Variants in PDE4D observed in about 807,000 individuals in gnomAD.
The protein encoded by PDE4D is phosphodiesterase 4D.
In PDE4D, 24 loss-of-function variants were observed where a neutral mutation model predicts 87.4. That is an observed-to-expected ratio of 0.27 (90% confidence interval 0.20 to 0.39). The LOEUF is 0.39. Ranked by LOEUF, PDE4D falls within the 10% of genes least tolerant of loss-of-function variation. The pLI is 1.00. For synonymous variants in PDE4D, 384 were observed against 383.2 expected (o/e 1.00, Z -0.02); for missense variants, 714 against 1,041.0 (o/e 0.69, Z 4.32).
chr5:60,061,156 C>A (rs191213429), intron 2 of PDE4D, among the ~76,000 whole-genome samples: 3 of 152,188 alleles, frequency 2.0e-5, no homozygotes, highest in Admixed American at 2.0e-4. Context: ...TGTTTGCAGA[C>A]AACTTGATCC....
chr5:59,893,024 C>T, intron 1 of PDE4D, 144 bp downstream of exon 1: 2 of 790,292 alleles, frequency 2.5e-6, no homozygotes, highest in Non-Finnish European at 4.0e-6. Context: ...GATAGGCACA[C>T]CCCTGTTTGT....
chr5:59,758,584 A>T (rs1761577777), intron 1 of PDE4D, among the ~76,000 whole-genome samples: 1 of 152,202 alleles, frequency 6.6e-6, no homozygotes, highest in Non-Finnish European at 1.5e-5. Flanking sequence ...ATTGAAGTCT[A>T]GTAAAAGAGA....
intron 5 of PDE4D, among the ~76,000 whole-genome samples, chr5:59,152,095 G>C (rs1484232470): frequency 1.3e-5 from 2 of 152,170 alleles, no homozygotes; most frequent in African/African-American, 4.8e-5. Flanking sequence ...TTGAAGCCTG[G>C]CTCCACAGCT....
At chr5:60,413,277 T>A (rs1742191177) in intron 1 of PDE4D, among the ~76,000 whole-genome samples, 1 of 152,222 alleles carries the variant, frequency 6.6e-6, no homozygotes, top group Admixed American at 6.5e-5. Context: ...CATTACCTCA[T>A]CAAACCTATA....
intron 1 of PDE4D, among the ~76,000 whole-genome samples, chr5:59,737,096 T>A (rs1027777972): frequency 2.6e-5 from 4 of 151,790 alleles, no homozygotes; most frequent in African/African-American, 9.7e-5. Flanking sequence ...TGTTATACTC[T>A]TTGAAATTCT....
intron 5 of PDE4D, among the ~76,000 whole-genome samples, chr5:59,044,880 C>T (rs1338540385): frequency 6.6e-6 from 1 of 152,158 alleles, no homozygotes; most frequent in East Asian, 1.9e-4. Flanking sequence ...CCGAATGTTG[C>T]CTATGCCTCT....
rs1175561902 is a variant in PDE4D, at chr5:59,215,828, T to A, written c.596A>T (p.Tyr199Phe). 1 of 1,613,692 alleles carries A rather than the reference T, an allele frequency of 6.2e-7. No homozygotes were observed. The highest frequency in any genetic ancestry group is 1.7e-5 in the Admixed American group (1 of 59,988). The change falls in exon 2 of 15, where the codon TAT (tyrosine) becomes TTT (phenylalanine). Residue 199 changes from tyrosine to phenylalanine, a missense_variant. Coordinates refer to ENST00000340635, the MANE Select transcript of PDE4D (RefSeq NM_001104631.2). The stretch of plus-strand genomic sequence containing the variant: ...GGACATAGACTTTGGAGAGAGGTCA[T>A]AATCGCTGTCGGATCGATACAGGAA... ...ESFLYRSDSD[Y>F]DLSPKSMSRN...
intron 1 of PDE4D, among the ~76,000 whole-genome samples, chr5:59,885,012 A>G (rs967084076): frequency 6.6e-6 from 1 of 151,564 alleles, no homozygotes; most frequent in African/African-American, 2.4e-5. Flanking sequence ...GCTCTTTATT[A>G]TAGTATGAAT....
intron 1 of PDE4D, among the ~76,000 whole-genome samples, chr5:59,559,393 T>C (rs928802867): frequency 5.3e-5 from 8 of 152,206 alleles, no homozygotes; most frequent in Non-Finnish European, 1.0e-4. Flanking sequence ...TATGTGGGAT[T>C]CATTACAATG....
intron 1 of PDE4D, among the ~76,000 whole-genome samples, chr5:59,790,220 A>T (rs1397829408): frequency 6.6e-6 from 1 of 152,244 alleles, no homozygotes; most frequent in Non-Finnish European, 1.5e-5. Flanking sequence ...AAACAACTGA[A>T]CACAGCAAAA....
rs185169692 is a variant in PDE4D, at chr5:59,304,250, C to T, written c.456-88282G>A. Among the ~76,000 whole-genome samples, 62 of 152,080 alleles carry T rather than the reference C, an allele frequency of 4.1e-4. 2 individuals are homozygous for T. Among genetic ancestry groups the T allele is most frequent in the African/African-American group, 1.3e-3 (56 of 41,516 alleles). On this transcript the variant is annotated intron_variant, in intron 1 of 14. Transcript: ENST00000340635. ...TGATTTGTGTACATTAATCTTGTATCCAGAAACTTTCTTGAATTCATTTAT... is the reference window on the plus strand; with the variant it reads ...TGATTTGTGTACATTAATCTTGTATTCAGAAACTTTCTTGAATTCATTTAT...
intron 1 of PDE4D, among the ~76,000 whole-genome samples, chr5:59,352,882 C>T (rs1341828736): frequency 6.6e-6 from 1 of 152,104 alleles, no homozygotes; most frequent in Non-Finnish European, 1.5e-5. Context: ...AATTAATCAC[C>T]TGTTTGGCAG....
At chr5:59,884,355 A>G (rs1489227950) in intron 1 of PDE4D, among the ~76,000 whole-genome samples, 1 of 151,992 alleles carries the variant, frequency 6.6e-6, no homozygotes, top group Non-Finnish European at 1.5e-5. Context: ...ACACATGTAC[A>G]TAGACATAAT....
At chr5:59,242,854 T>A (rs1397379555) in intron 1 of PDE4D, among the ~76,000 whole-genome samples, 1 of 152,152 alleles carries the variant, frequency 6.6e-6, no homozygotes, top group Non-Finnish European at 1.5e-5. Flanking sequence ...TGTCAGAGCA[T>A]CAACATAAGA....
chr5:59,242,065 A>G (rs558581781), intron 1 of PDE4D, among the ~76,000 whole-genome samples: 3 of 152,070 alleles, frequency 2.0e-5, no homozygotes, highest in South Asian at 4.2e-4. Context: ...TATTGAATGA[A>G]TTTTCTATAT....
At chr5:59,715,105 A>C (rs1754804874) in intron 1 of PDE4D, among the ~76,000 whole-genome samples, 1 of 152,274 alleles carries the variant, frequency 6.6e-6, no homozygotes, top group African/African-American at 2.4e-5. Context: ...TCATGAGAGC[A>C]TGGCAGGACA....
intron 4 of PDE4D, among the ~76,000 whole-genome samples, chr5:59,184,366 A>G (rs1301840038): frequency 1.3e-5 from 2 of 152,322 alleles, no homozygotes; most frequent in African/African-American, 2.4e-5. Context: ...TTACTATGAA[A>G]TGTAAAGTTC....
At chr5:60,321,870 T>G (rs1159132094) in intron 1 of PDE4D, among the ~76,000 whole-genome samples, 1 of 149,918 alleles carries the variant, frequency 6.7e-6, no homozygotes. Flanking sequence ...AGAATGGCTA[T>G]GATTAAAAAG....
At chr5:60,388,934 C>T in intron 1 of PDE4D, among the ~76,000 whole-genome samples, 1 of 152,122 alleles carries the variant, frequency 6.6e-6, no homozygotes, top group Non-Finnish European at 1.5e-5. Context: ...CTCTTATGGG[C>T]AAGTTATGGC....
Sources: allele counts gnomAD v4.1 joint callset (sites outside exome capture counted in the v4.1 genomes callset), GRCh38; gene constraint gnomAD v4.1.1; transcripts MANE v1.5; gene names NCBI Gene and HGNC (gene_info 2026-07-23, HGNC 2026-07-21).